ANAPC1: variants seen among roughly 807,000 people sequenced by gnomAD.
ANAPC1 encodes the protein anaphase promoting complex subunit 1.
ANAPC1 carries 36 observed loss-of-function variants against 208.0 expected under a neutral mutation model. That is an observed-to-expected ratio of 0.17 (90% CI 0.13 to 0.23). The LOEUF (loss-of-function observed/expected upper bound fraction) is 0.23. Ranked by LOEUF, ANAPC1 falls within the 10% of genes least tolerant of loss-of-function variation. The pLI is 1.00. For synonymous variants in ANAPC1, 378 were observed against 695.2 expected (o/e 0.54, Z 7.18); for missense variants, 942 against 2,011.6 (o/e 0.47, Z 10.17).
At chr2:111,829,702 AAAT>A (rs1212286892) in intron 21 of ANAPC1, among the ~76,000 whole-genome samples, 1 of 147,442 alleles carries the variant, frequency 6.8e-6, no homozygotes, top group Non-Finnish European at 1.5e-5. Context: ...AAAATAATAA[AAAT>A]AAATAAAGAA....
intron 11 of ANAPC1, among the ~76,000 whole-genome samples, chr2:111,857,836 G>GCTTATCTATACAAT (rs1681817690): frequency 6.6e-6 from 1 of 152,090 alleles, no homozygotes; most frequent in Non-Finnish European, 1.5e-5. Context: ...AAAACATGGT[G>GCTTATCTATACAAT]GTAGATCTAT....
intron 34 of ANAPC1, among the ~76,000 whole-genome samples, chr2:111,798,959 G>T (rs1443708077): frequency 6.6e-6 from 1 of 150,974 alleles, no homozygotes; most frequent in Non-Finnish European, 1.5e-5. Flanking sequence ...GCGTGAACCT[G>T]GGAGGCGGAG....
rs769617579 is a variant in ANAPC1 at position 111,847,786 on chromosome 2, A to G, written c.1730T>C (p.Phe577Ser). 1.4e-5 allele frequency: 23 copies of G among 1,608,330 alleles called. No homozygotes were observed. The South Asian group carries it at 2.2e-4, about 16-fold the overall frequency. Residue 577 changes from phenylalanine (F) to serine (S), a missense_variant, in exon 15 of 48, where the codon TTC becomes TCC. Physicochemically the swap from Phe to Ser is radical, Grantham distance 155. Coordinates refer to ENST00000341068, the MANE Select transcript of ANAPC1 (RefSeq NM_022662.4). The stretch of plus-strand genomic sequence containing the variant: ...ATGAATGTAAGTTCCAAGCTGTTGG[A>G]AAGTACAATCCTCATTATAGAGAGA... ...HDSLYNEDCTFQQLGTYIHSI... is the reference protein window; with the variant it reads ...HDSLYNEDCTSQQLGTYIHSI...
chr2:111,834,794 G>T lies in ANAPC1; in HGVS notation c.2194C>A (p.Pro732Thr), dbSNP rs766801785. The T allele has an allele frequency of 1.1e-5, 17 of 1,612,566 alleles. No homozygotes were observed. Among genetic ancestry groups the T allele is most frequent in the Non-Finnish European group, 1.3e-5 (15 of 1,179,618 alleles). Reference protein sequence around the residue: ...HLLNRSLCLSPSEASQMKDED... With the variant: ...HLLNRSLCLSTSEASQMKDED... ...TCCTTCATCTGTGAAGCTTCTGAAG[G>T]ACTCAGACATAAAGATCTGTTCAAA... Residue 732 changes from proline (P) to threonine (T), a missense_variant, in exon 19 of 48, where the codon CCT becomes ACT. Physicochemically the swap from Pro to Thr is conservative, Grantham distance 38 (BLOSUM62 -1). Transcript: ENST00000341068.
chr2:111,766,806 C>A, downstream of ANAPC1: 1 of 377,374 alleles, frequency 2.6e-6, no homozygotes, highest in East Asian at 7.4e-5. Context: ...GAAAGACCCC[C>A]ACCTTATTGC....
chr2:111,883,296 G>C (rs1683419837), intron 1 of ANAPC1, among the ~76,000 whole-genome samples: 1 of 150,766 alleles, frequency 6.6e-6, no homozygotes, highest in South Asian at 2.1e-4. Context: ...TGAAACTTTA[G>C]TTCTGCAATT....
chr2:111,870,887 C>A (rs567582360), intron 6 of ANAPC1, among the ~76,000 whole-genome samples: 11 of 152,186 alleles, frequency 7.2e-5, no homozygotes, highest in South Asian at 4.1e-4. Context: ...ATAAAAAAAA[C>A]CCAATTTCAT....
At chr2:111,850,049 G>C (rs1376400274) in intron 14 of ANAPC1, among the ~76,000 whole-genome samples, 1 of 152,062 alleles carries the variant, frequency 6.6e-6, no homozygotes, top group Non-Finnish European at 1.5e-5. Flanking sequence ...TCTCAATAAA[G>C]CTATTCTAAG....
At position 111,815,456 on chromosome 2, in the gene ANAPC1, C is replaced by T. The variant is rs1268226665; in HGVS notation, c.3511G>A (p.Glu1171Lys). The stretch of plus-strand genomic sequence containing the variant: ...AGAGCCATGAGAAAGCCAGCATACT[C>T]ATTGGCCAACTCAGCATGCTTGGGC... ...NKPKHAELAN[E>K]YAGFLMALGL... Residue 1171 changes from glutamate to lysine, a missense_variant, in exon 28 of 48, where the codon GAG (glutamate) becomes AAG (lysine). Glu to Lys is a moderately conservative substitution (Grantham distance 56). Coordinates refer to ENST00000341068, the MANE Select transcript of ANAPC1 (RefSeq NM_022662.4). 4.3e-6 allele frequency: 1 copy of T among 231,286 alleles called. No individual in the cohort carries two copies. The allele number at this position is 231,286 out of a possible 1,614,324, so 14.3% of individuals were successfully genotyped here.
chr2:111,828,170 A>G (rs1679938297), intron 21 of ANAPC1, among the ~76,000 whole-genome samples: 1 of 152,240 alleles, frequency 6.6e-6, no homozygotes, highest in African/African-American at 2.4e-5. Context: ...CAATAAACAC[A>G]AGAAAATATG....
chr2:111,829,710 A>G (rs1680029117), intron 21 of ANAPC1, among the ~76,000 whole-genome samples: 1 of 119,128 alleles, frequency 8.4e-6, no homozygotes. Context: ...AAAAATAAAT[A>G]AAGAAGTGTT....
intron 36 of ANAPC1, 49 bp from the exon 37 acceptor site, chr2:111,794,180 C>G: frequency 6.7e-7 from 1 of 1,495,488 alleles, no homozygotes; most frequent in East Asian, 2.3e-5. Context: ...CATCTTAAAG[C>G]TTTGTTAAAA....
At position 111,884,168 on chromosome 2, in the gene ANAPC1, A is replaced by G. The variant is rs981234596; in HGVS notation, c.-251T>C. ...GCGAGACGTTCAAATGGACGCGTCC[A>G]TCTTGACTTTCCCGTCTTGCCTCGC... On this transcript the variant is annotated 5_prime_UTR_variant, in exon 1 of 48. The change abolishes an upstream ATG in the 5' untranslated region. Transcript: ENST00000341068. 2 of 152,320 alleles carry G rather than the reference A, an allele frequency of 1.3e-5. No individual in the cohort carries two copies. Among genetic ancestry groups the G allele is most frequent in the African/African-American group, 4.8e-5 (2 of 41,458 alleles). 9.4% of individuals were successfully genotyped at this position (152,320 alleles called of 1,614,324 possible).
intron 20 of ANAPC1, among the ~76,000 whole-genome samples, chr2:111,832,810 G>A (rs1159325947): frequency 6.6e-6 from 1 of 151,802 alleles, no homozygotes; most frequent in Non-Finnish European, 1.5e-5. Context: ...GGCACCTGTA[G>A]TCCCAGCTAT....
intron 42 of ANAPC1, among the ~76,000 whole-genome samples, chr2:111,783,440 G>T (rs1185629702): frequency 1.3e-5 from 2 of 151,256 alleles, no homozygotes; most frequent in African/African-American, 4.9e-5. Flanking sequence ...TACAAGACAT[G>T]CCTTGCTTCC....
chr2:111,832,518 T>C (rs1680203342), intron 20 of ANAPC1, among the ~76,000 whole-genome samples: 1 of 152,192 alleles, frequency 6.6e-6, no homozygotes, highest in Non-Finnish European at 1.5e-5. Context: ...ACTAGCCCCA[T>C]GTGGCTACTG....
At chr2:111,880,439 G>A (rs1052484764) in intron 2 of ANAPC1, 174 bp downstream of exon 2, 13 of 1,092,808 alleles carry the variant, frequency 1.2e-5, no homozygotes, top group African/African-American at 6.4e-5. Context: ...TAAATAAGTC[G>A]CTATGACAAT....
At chr2:111,848,444 A>C (rs1681210366) in intron 14 of ANAPC1, among the ~76,000 whole-genome samples, 1 of 151,588 alleles carries the variant, frequency 6.6e-6, no homozygotes, top group Admixed American at 6.6e-5. Flanking sequence ...GAGGGAGAGA[A>C]GCCAGCAGCA....
chr2:111,790,831 C>T (rs1558667677), intron 38 of ANAPC1, among the ~76,000 whole-genome samples: 2 of 152,148 alleles, frequency 1.3e-5, no homozygotes, highest in African/African-American at 2.4e-5. Context: ...AAAGAATCCA[C>T]AGTAATCAAT....
Sources: allele counts gnomAD v4.1 joint callset (sites outside exome capture counted in the v4.1 genomes callset), GRCh38; gene constraint gnomAD v4.1.1; transcripts MANE v1.5; gene names NCBI Gene and HGNC (gene_info 2026-07-23, HGNC 2026-07-21).